Variants in RFESD observed in about 807,000 individuals in gnomAD.
RFESD encodes the protein Rieske domain-containing protein.
In RFESD, 16 loss-of-function variants were observed where a neutral mutation model predicts 24.4. The ratio of observed to expected loss-of-function variants is 0.66; its 90% CI spans 0.44 to 1.00. The LOEUF (loss-of-function observed/expected upper bound fraction) is 1.00, where lower values mean the gene tolerates loss of function less well. Ranked by LOEUF, RFESD falls within the 50% of genes least tolerant of loss-of-function variation. The pLI, the probability that RFESD is intolerant of heterozygous loss-of-function variation, is 0.00. For synonymous variants in RFESD, 59 were observed against 81.8 expected (o/e 0.72, Z 1.50); for missense variants, 208 against 247.0 (o/e 0.84, Z 1.06).
chr5:95,650,049 C>A (rs961156724), intron 1 of RFESD, among the ~76,000 whole-genome samples: 2 of 152,162 alleles, frequency 1.3e-5, no homozygotes, highest in South Asian at 2.1e-4. Context: ...CTGCCAAAAT[C>A]AAATAAAACC....
intron 1 of RFESD, among the ~76,000 whole-genome samples, chr5:95,649,773 C>T (rs1447466338): frequency 6.6e-6 from 1 of 152,098 alleles, no homozygotes. Context: ...GCCCATTTTT[C>T]TATGATTATT....
At position 95,656,214 on chromosome 5, in the gene RFESD, G is replaced by T. The variant is rs780581345; in HGVS notation, c.538G>T (p.Gly180Ter). Residue 180 changes from glycine to a stop codon, truncating the protein, a stop_gained, in exon 6 of 6, where the codon GGA becomes TGA. Transcript: ENST00000380005. LOFTEE classifies it high-confidence loss of function. ...QRIHTVTVDNGNIYVTLSNEP... is the reference protein window; with the variant it reads ...QRIHTVTVDN Reference sequence around the variant, plus strand: ...GATTCACACAGTGACAGTAGACAACGGAAATATTTATGTGACTCTTTCTAA... The same window carrying T: ...GATTCACACAGTGACAGTAGACAACTGAAATATTTATGTGACTCTTTCTAA... The T allele has an allele frequency of 1.9e-6, 3 of 1,613,802 alleles. No individual in the cohort carries two copies. Among genetic ancestry groups the T allele is most frequent in the South Asian group, 2.2e-5 (2 of 91,072 alleles).
intron 1 of RFESD, chr5:95,647,057 C>T (rs1167344460): frequency 1.3e-5 from 2 of 152,278 alleles, no homozygotes; most frequent in Non-Finnish European, 1.5e-5. Context: ...GACCTGCCAC[C>T]TAAGGGGGGT....
chr5:95,652,751 A>G (rs1332690408), intron 2 of RFESD: 1 of 260,072 alleles, frequency 3.8e-6, no homozygotes, highest in Admixed American at 5.0e-5. Flanking sequence ...TTAACACAAT[A>G]TAATTGTAGC....
intron 1 of RFESD, among the ~76,000 whole-genome samples, chr5:95,649,214 A>G (rs1750218449): frequency 6.6e-6 from 1 of 152,230 alleles, no homozygotes; most frequent in Admixed American, 6.5e-5. Flanking sequence ...TTTACCCTAT[A>G]GTACATATAT....
chr5:95,652,863 G>T, intron 2 of RFESD: 1 of 431,030 alleles, frequency 2.3e-6, no homozygotes, highest in Non-Finnish European at 4.0e-6. Flanking sequence ...TGATTTCTGG[G>T]CATCCATTGT....
chr5:95,653,620 C>T (rs1038778005), intron 3 of RFESD, among the ~76,000 whole-genome samples: 9 of 152,138 alleles, frequency 5.9e-5, no homozygotes, highest in Non-Finnish European at 8.8e-5. Context: ...TATTTATGGC[C>T]GGGCGCAGTG....
At chr5:95,654,000 A>G in intron 3 of RFESD, 61 bp from the exon 4 acceptor site, 4 of 1,447,638 alleles carry the variant, frequency 2.8e-6, no homozygotes, top group Non-Finnish European at 3.8e-6. Context: ...GGTTATCTCC[A>G]TTAAGCTGGA....
At chr5:95,653,282 G>A in intron 3 of RFESD, 68 bp downstream of exon 3, 1 of 1,543,538 alleles carries the variant, frequency 6.5e-7, no homozygotes, top group Non-Finnish European at 8.7e-7. Flanking sequence ...GGTTGTGCCT[G>A]TAAGAGCCAA....
At chr5:95,655,816 A>C in intron 5 of RFESD, 1 of 470,466 alleles carries the variant, frequency 2.1e-6, no homozygotes, top group Non-Finnish European at 3.7e-6. Context: ...TAGTTGCCTG[A>C]GCATGTCAGT....
chr5:95,654,788 T>C (rs1196419004), intron 5 of RFESD, among the ~76,000 whole-genome samples: 9 of 152,120 alleles, frequency 5.9e-5, no homozygotes, highest in Non-Finnish European at 8.8e-5. Flanking sequence ...AAAAAGCACG[T>C]CATAGGATGA....
At chr5:95,652,434 T>C (rs1750398293) in intron 2 of RFESD, 103 bp downstream of exon 2, 1 of 1,403,506 alleles carries the variant, frequency 7.1e-7, no homozygotes, top group Admixed American at 2.2e-5. Flanking sequence ...ACATCTCTAC[T>C]TGGATGTCTC....
Position 95,656,226 on chromosome 5 carries a change from G to T in RFESD, c.550G>T (p.Val184Leu), listed in dbSNP as rs1750751789. ...TVTVDNGNIY[V>L]TLSNEPFKCD... ...GACAGTAGACAACGGAAATATTTAT[G>T]TGACTCTTTCTAATGAACCTTTTAA... Residue 184 changes from valine (V) to leucine (L), a missense_variant, in exon 6 of 6, where the codon GTG becomes TTG. Coordinates refer to ENST00000380005, the MANE Select transcript of RFESD (RefSeq NM_001131066.2). 6.2e-7 allele frequency: 1 copy of T among 1,613,706 alleles called. No individual in the cohort carries two copies. The highest frequency in any genetic ancestry group is 1.3e-5 in the African/African-American group (1 of 74,928).
At chr5:95,649,425 GTTGT>G in intron 1 of RFESD, among the ~76,000 whole-genome samples, 1 of 152,222 alleles carries the variant, frequency 6.6e-6, no homozygotes, top group South Asian at 2.1e-4. Flanking sequence ...TGGGTTTTGT[GTTGT>G]TTTTGTTTTT....
rs373510843 is a variant in RFESD at position 95,654,287 on chromosome 5, A to G, written c.335-46A>G. On this transcript the variant is annotated intron_variant, in intron 4 of 5. Coordinates refer to ENST00000380005, the MANE Select transcript of RFESD (RefSeq NM_001131066.2). The stretch of plus-strand genomic sequence containing the variant: ...AACTTTAAACCATGAAACTATCAAA[A>G]TTTCAGTTTTTTAGTGACTGCAGGT... The G allele has an allele frequency of 5.4e-5, 87 of 1,609,086 alleles. 1 individual carries two copies. In the South Asian group the frequency reaches 7.2e-4, roughly 13 times the overall value.
At position 95,656,684 on chromosome 5, in the gene RFESD, G is replaced by A. The variant is rs1307318414; in HGVS notation, c.*375G>A. 6.3e-6 allele frequency: 1 copy of A among 159,824 alleles called. No individual in the cohort carries two copies. Among genetic ancestry groups the A allele is most frequent in the Non-Finnish European group, 1.4e-5 (1 of 73,470 alleles). The allele number at this position is 159,824 out of a possible 1,614,324, so 9.9% of individuals were successfully genotyped here. A position where few individuals can be genotyped will look rare whatever the true frequency, so the allele number is the denominator to read the frequency against. The stretch of plus-strand genomic sequence containing the variant: ...AAATAGGAAAAAATCCCTGTTTGAT[G>A]TAGCAGACTTAATTCTGGAAAAGTT... On this transcript the variant is annotated 3_prime_UTR_variant, in exon 6 of 6. Coordinates refer to ENST00000380005, the MANE Select transcript of RFESD (RefSeq NM_001131066.2).
intron 1 of RFESD, among the ~76,000 whole-genome samples, chr5:95,649,643 G>A (rs1469536223): frequency 6.6e-6 from 1 of 152,208 alleles, no homozygotes; most frequent in Non-Finnish European, 1.5e-5. Context: ...ATAGAAAATA[G>A]TATCACATTA....
chr5:95,650,855 T>G (rs964358163), intron 1 of RFESD, among the ~76,000 whole-genome samples: 1 of 152,074 alleles, frequency 6.6e-6, no homozygotes, highest in Non-Finnish European at 1.5e-5. Flanking sequence ...TCCCAGCACA[T>G]TGGGAGGCCG....
chr5:95,646,927 C>T (rs1370765469), intron 1 of RFESD, 110 bp downstream of exon 1: 2 of 152,404 alleles, frequency 1.3e-5, no homozygotes, highest in Admixed American at 6.5e-5. Flanking sequence ...GCTGCGGGGC[C>T]TGAGGCCCTC....
Sources: gnomAD v4.1 joint callset for allele counts (sites outside exome capture counted in the v4.1 genomes callset) on GRCh38, gnomAD v4.1.1 for gene constraint, MANE v1.5 for transcripts, NCBI Gene and HGNC (gene_info 2026-07-23, HGNC 2026-07-21) for gene names.